Variants in PALM2AKAP2 observed in about 807,000 individuals in gnomAD.
PALM2AKAP2 encodes PALM2-AKAP2 fusion protein.
In PALM2AKAP2, 37 loss-of-function variants were observed where a neutral mutation model predicts 71.5. The observed-to-expected ratio is 0.52, with a 90% CI of 0.40 to 0.68. The LOEUF is 0.68. Among genes scored for constraint, PALM2AKAP2 ranks in the 30% least tolerant of loss-of-function variants. The pLI, the probability that PALM2AKAP2 is intolerant of heterozygous loss-of-function variation, is 0.00. For missense variants in PALM2AKAP2, 1,224 were observed against 1,191.8 expected, an observed-to-expected ratio of 1.03 and a Z score of -0.40; for synonymous variants, 468 against 478.8, an observed-to-expected ratio of 0.98 and a Z score of 0.29.
chr9:110,096,975 G>A (rs1004782794), intron 1 of PALM2AKAP2, among the ~76,000 whole-genome samples: 1 of 144,376 alleles, frequency 6.9e-6, no homozygotes, highest in African/African-American at 2.6e-5. Flanking sequence ...TTTTTTTATT[G>A]ATCATTCTTG....
intron 7 of PALM2AKAP2, among the ~76,000 whole-genome samples, chr9:110,022,162 CTG>C (rs1370058662): frequency 2.0e-5 from 3 of 152,184 alleles, no homozygotes; most frequent in Non-Finnish European, 4.4e-5. Context: ...TTGTCTTTCA[CTG>C]TGTCTCTCTC....
chr9:109,644,424 A>G (rs1176534494), intron 1 of PALM2AKAP2, among the ~76,000 whole-genome samples: 1 of 152,200 alleles, frequency 6.6e-6, no homozygotes, highest in Non-Finnish European at 1.5e-5. Context: ...AAAAGAGGGA[A>G]TTAAATTCAC....
intron 6 of PALM2AKAP2, chr9:109,942,938 T>A: frequency 6.2e-7 from 1 of 1,614,186 alleles, no homozygotes; most frequent in Non-Finnish European, 8.5e-7. Context: ...GGAGGGCACG[T>A]GTCTGAAAGG....
intron 1 of PALM2AKAP2, among the ~76,000 whole-genome samples, chr9:110,111,718 ATTTTTATTTT>A (rs1835258186): frequency 2.8e-5 from 3 of 108,552 alleles, no homozygotes; most frequent in African/African-American, 9.3e-5. Context: ...TTTTATTTTT[ATTTTTATTTT>A]GCATCCAGCG....
chr9:109,902,107 T>C (rs1177241272), intron 3 of PALM2AKAP2, among the ~76,000 whole-genome samples: 1 of 152,200 alleles, frequency 6.6e-6, no homozygotes, highest in Admixed American at 6.5e-5. Context: ...GGTACGTTTT[T>C]CAGTATCAGA....
chr9:109,993,435 GC>G (rs1832519956), intron 6 of PALM2AKAP2, among the ~76,000 whole-genome samples: 1 of 152,120 alleles, frequency 6.6e-6, no homozygotes, highest in Admixed American at 6.5e-5. Flanking sequence ...CTCTCATTGG[GC>G]CAACTCTGTC....
At chr9:109,658,980 A>G (rs901366129) in intron 1 of PALM2AKAP2, among the ~76,000 whole-genome samples, 3 of 152,246 alleles carry the variant, frequency 2.0e-5, no homozygotes, top group Non-Finnish European at 2.9e-5. Context: ...AACTCCATGT[A>G]TCTCTACAGA....
intron 1 of PALM2AKAP2, among the ~76,000 whole-genome samples, chr9:109,788,598 G>A (rs1348132392): frequency 6.6e-6 from 1 of 152,164 alleles, no homozygotes; most frequent in Admixed American, 6.5e-5. Flanking sequence ...CTTTGAAAAC[G>A]ACTGGTGAAG....
rs146176483 is a variant in PALM2AKAP2 at position 109,684,754 on chromosome 9, G to A, written c.5+43888G>A. ...CATTTTGTCAAATTGCTGAAAAGAGGTTAAACATATACTTACTATATGAAC... is the reference window on the plus strand; with the variant it reads ...CATTTTGTCAAATTGCTGAAAAGAGATTAAACATATACTTACTATATGAAC... On this transcript the variant is annotated intron_variant, in intron 1 of 6. Coordinates refer to the PALM2AKAP2 transcript ENST00000374531. Among the ~76,000 whole-genome samples the A allele has an allele frequency of 7.2e-5, 11 of 152,268 alleles. No homozygotes were observed. In the East Asian group the frequency reaches 2.1e-3, roughly 29 times the overall value.
intron 1 of PALM2AKAP2, among the ~76,000 whole-genome samples, chr9:110,053,320 T>G (rs1341893843): frequency 6.6e-6 from 1 of 151,744 alleles, no homozygotes; most frequent in African/African-American, 2.4e-5. Context: ...GAGGTCAGGA[T>G]TTGGAGACCA....
intron 1 of PALM2AKAP2, among the ~76,000 whole-genome samples, chr9:109,654,608 T>C (rs1483585584): frequency 6.6e-6 from 1 of 152,186 alleles, no homozygotes; most frequent in Non-Finnish European, 1.5e-5. Flanking sequence ...ACAATTTGCT[T>C]TCCTGTTAGT....
intron 6 of PALM2AKAP2, among the ~76,000 whole-genome samples, chr9:110,013,372 G>A (rs76754123): frequency 0.01 from 1,561 of 152,298 alleles, 26 homozygotes; most frequent in African/African-American, 0.036. Context: ...TCATCTGATT[G>A]TCCATCATGC....
chr9:110,136,728 G>A lies in PALM2AKAP2; in HGVS notation c.758G>A (p.Arg253Gln), dbSNP rs376721653. The A allele has an allele frequency of 6.9e-5, 111 of 1,614,150 alleles. No individual in the cohort carries two copies. Among genetic ancestry groups the A allele is most frequent in the African/African-American group, 2.1e-4 (16 of 75,028 alleles). Residue 253 changes from arginine (R) to glutamine (Q), a missense_variant, in exon 2 of 4, where the codon CGA becomes CAA. Physicochemically the swap from Arg to Gln is conservative, Grantham distance 43. Coordinates refer to ENST00000374525, the Ensembl canonical transcript of PALM2AKAP2. ...ACAACCAGCTCACGGTGTTCTTCCC[G>A]AGATGGAGAGTTCACTCTCACCACA...
At chr9:110,073,556 A>G (rs936584379) in intron 1 of PALM2AKAP2, among the ~76,000 whole-genome samples, 3 of 152,238 alleles carry the variant, frequency 2.0e-5, no homozygotes, top group African/African-American at 7.2e-5. Flanking sequence ...CAGATAGGTC[A>G]AGAAAGCCAG....
rs150002260 is a variant in PALM2AKAP2, at chr9:109,790,040, G to T, written c.45+9507G>T. Among the ~76,000 whole-genome samples the T allele has an allele frequency of 1.4e-3, 219 of 152,216 alleles. 1 individual carries two copies. Among genetic ancestry groups the T allele is most frequent in the Non-Finnish European group, 2.7e-3 (186 of 68,008 alleles). On this transcript the variant is annotated intron_variant, in intron 1 of 9. Coordinates refer to the PALM2AKAP2 transcript ENST00000302798. ...TAGGATCATATAAGTTTAGCTAGAA[G>T]AAAAGAATAGAGAATCTGTACCTTT... is the stretch of plus-strand genomic sequence containing the variant.
chr9:110,048,550 G>A (rs1833641260), upstream of PALM2AKAP2: 1 of 709,416 alleles, frequency 1.4e-6, no homozygotes. Context: ...GAAGGTGTGG[G>A]TAGATGGGGA....
intron 3 of PALM2AKAP2, among the ~76,000 whole-genome samples, chr9:109,917,068 A>G (rs989415494): frequency 3.3e-5 from 5 of 152,234 alleles, no homozygotes; most frequent in Non-Finnish European, 4.4e-5. Flanking sequence ...TACACTTTGT[A>G]TAACCACAAG....
chr9:109,777,070 T>C (rs1011631811), upstream of PALM2AKAP2, among the ~76,000 whole-genome samples: 1 of 152,246 alleles, frequency 6.6e-6, no homozygotes, highest in African/African-American at 2.4e-5. Context: ...TTAGTCTTTC[T>C]CATCTTTCAC....
At chr9:109,780,374 T>A (rs1342380460), upstream of PALM2AKAP2, 5 of 1,598,422 alleles carry the variant, frequency 3.1e-6, no homozygotes, top group Non-Finnish European at 4.3e-6. Context: ...CAGCCGTCCC[T>A]GGGCGTTCTC....
Sources: allele counts gnomAD v4.1 joint callset (sites outside exome capture counted in the v4.1 genomes callset), GRCh38; gene constraint gnomAD v4.1.1; transcripts MANE v1.5; gene names NCBI Gene and HGNC (gene_info 2026-07-23, HGNC 2026-07-21).